The following UNC80 variants were observed in gnomAD, a reference collection of about 807,000 sequenced individuals.
The protein encoded by UNC80 is protein unc-80 homolog.
Under a neutral mutation model 384.6 loss-of-function variants are expected in UNC80, and 164 were observed. The ratio of observed to expected loss-of-function variants is 0.43; its 90% CI spans 0.38 to 0.49. The LOEUF (loss-of-function observed/expected upper bound fraction) is 0.49, where lower values mean the gene tolerates loss of function less well. Ranked by LOEUF, UNC80 falls within the 20% of genes least tolerant of loss-of-function variation. UNC80 has a pLI of 0.00. For synonymous variants in UNC80, 1,486 were observed against 1,527.8 expected (o/e 0.97, Z 0.64); for missense variants, 3,330 against 4,143.0 (o/e 0.80, Z 5.39).
intron 36 of UNC80, among the ~76,000 whole-genome samples, chr2:209,929,297 C>T (rs2090668327): frequency 6.6e-6 from 1 of 152,120 alleles, no homozygotes; most frequent in Admixed American, 6.6e-5. Flanking sequence ...TGACCGCTTT[C>T]CCCACAGAAA....
In UNC80 at chr2:209,793,772, C is replaced by G. The variant is rs748271773; in HGVS notation, c.851C>G (p.Ala284Gly). The G allele has an allele frequency of 1.1e-5, 18 of 1,614,000 alleles. No individual in the cohort carries two copies. The South Asian group carries it at 2.0e-4, about 18-fold the overall frequency. The change falls in exon 7 of 65, where the codon GCC becomes GGC. Residue 284 changes from alanine to glycine, a missense_variant. Ala to Gly is a moderately conservative substitution (Grantham distance 60, BLOSUM62 0). Coordinates refer to ENST00000673920, the MANE Select transcript of UNC80 (RefSeq NM_001371986.1). ...TFQSDSISPK[A>G]TISGCHRGNS... ...CAGTCTGATTCCATCTCACCCAAGGCCACCATTTCAGGCTGTCACCGAGGA... is the reference window on the plus strand; with the variant it reads ...CAGTCTGATTCCATCTCACCCAAGGGCACCATTTCAGGCTGTCACCGAGGA...
chr2:209,907,291 CAAAAA>C (rs35210647), intron 29 of UNC80, among the ~76,000 whole-genome samples: 3 of 68,648 alleles, frequency 4.4e-5, no homozygotes, highest in African/African-American at 1.7e-4. Context: ...CAATAATGGG[CAAAAA>C]AAAAAAAAAA....
At chr2:209,931,288 T>C (rs1346478557) in intron 38 of UNC80, among the ~76,000 whole-genome samples, 4 of 151,414 alleles carry the variant, frequency 2.6e-5, no homozygotes, top group Admixed American at 2.0e-4. Context: ...CTTATGTTTG[T>C]TGTTTATTTT....
Position 209,777,275 on chromosome 2 carries a change from G to T in UNC80, c.316G>T (p.Gly106Cys). The change falls in exon 4 of 65, where the codon GGT becomes TGT. Residue 106 changes from glycine to cysteine, a missense_variant. Around this residue, in one of 8 missense-constraint regions of UNC80, gnomAD observed 86 missense variants for 141.5 expected, o/e 0.61. Transcript: ENST00000673920. ...RNKLGHQDKL[G>C]VAETKLLHTL... ...CCATGCAGGCCACCAGGATAAATTG[G>T]GTGTTGCTGAGACAAAGCTCCTTCA... 4.4e-6 allele frequency: 7 copies of T among 1,596,132 alleles called. No individual in the cohort carries two copies. Among genetic ancestry groups the T allele is most frequent in the Non-Finnish European group, 6.0e-6 (7 of 1,172,634 alleles).
intron 29 of UNC80, among the ~76,000 whole-genome samples, chr2:209,909,319 G>A (rs2088633373): frequency 6.6e-6 from 1 of 152,044 alleles, no homozygotes. Context: ...AAACAATTAG[G>A]GAGATTCTTC....
intron 21 of UNC80, among the ~76,000 whole-genome samples, chr2:209,844,451 T>TTTTCTTCCTTTCTTTC (rs2081995025): frequency 1.7e-5 from 1 of 58,188 alleles, no homozygotes; most frequent in Non-Finnish European, 3.3e-5. Flanking sequence ...TGCTCTTTTC[T>TTTTCTTCCTTTCTTTC]TTTCTTTCTT....
chr2:209,825,549 G>A (rs1168615119), intron 13 of UNC80, among the ~76,000 whole-genome samples: 1 of 152,126 alleles, frequency 6.6e-6, no homozygotes, highest in African/African-American at 2.4e-5. Context: ...ACTGATGAGG[G>A]TAGTTTCTAA....
At position 209,878,009 on chromosome 2, in the gene UNC80, A is replaced by T; in HGVS notation, c.3896A>T (p.Asn1299Ile). 6.5e-7 allele frequency: 1 copy of T among 1,546,376 alleles called. No homozygotes were observed. The highest frequency in any genetic ancestry group is 8.7e-7 in the Non-Finnish European group (1 of 1,144,498). Residue 1299 changes from asparagine to isoleucine, a missense_variant, in exon 24 of 65, where the codon AAC becomes ATC. This residue lies in a region of UNC80 where 801 missense variants were observed against 950.8 expected (regional missense o/e 0.84). Coordinates refer to ENST00000673920, the MANE Select transcript of UNC80 (RefSeq NM_001371986.1). ...CACGGGGAAAGTGAGAGCCCAGCCA[A>T]CCTGCTGGGTCTCATTTACGATGAA... ...LCHGESESPA[N>I]LLGLIYDEET...
chr2:209,844,211 G>A (rs549940685), intron 21 of UNC80, among the ~76,000 whole-genome samples: 4 of 152,180 alleles, frequency 2.6e-5, no homozygotes, highest in Admixed American at 1.3e-4. Context: ...TGGAACTAAA[G>A]TGTGTTCTCC....
intron 54 of UNC80, 42 bp downstream of exon 54, chr2:209,970,999 G>C: frequency 6.5e-7 from 1 of 1,533,300 alleles, no homozygotes; most frequent in Non-Finnish European, 8.8e-7. Flanking sequence ...TTAAGTTGCT[G>C]GTTGAGGCAC....
rs536551224 is a variant in UNC80, at chr2:209,874,537, ACCTCT to A, written c.3840+1568_3840+1572del. ...GCATTTGACACTGCCAACTGCACATACCTCTGTCTTTTGTCCTTTGTCTTTTTGAA... is the reference window on the plus strand; with the variant it reads ...GCATTTGACACTGCCAACTGCACATAGTCTTTTGTCCTTTGTCTTTTTGAA... On this transcript the variant is annotated intron_variant, in intron 23 of 64. Transcript: ENST00000673920. Among the ~76,000 whole-genome samples the A allele has an allele frequency of 7.2e-5, 11 of 152,244 alleles. No homozygotes were observed. In the East Asian group the frequency reaches 1.9e-3, roughly 27 times the overall value.
intron 58 of UNC80, among the ~76,000 whole-genome samples, chr2:209,977,721 C>T (rs2125018340): frequency 6.6e-6 from 1 of 152,236 alleles, no homozygotes; most frequent in South Asian, 2.1e-4. Flanking sequence ...CTAGGAGGTA[C>T]TTTCTTTACA....
At chr2:209,848,652 G>T (rs1397132479) in intron 21 of UNC80, among the ~76,000 whole-genome samples, 4 of 152,136 alleles carry the variant, frequency 2.6e-5, no homozygotes, top group African/African-American at 4.8e-5. Flanking sequence ...GAGTCATTGT[G>T]AAAGTTGTAG....
intron 22 of UNC80, among the ~76,000 whole-genome samples, chr2:209,861,703 A>G (rs1227078611): frequency 4.6e-5 from 7 of 152,142 alleles, no homozygotes; most frequent in African/African-American, 7.2e-5. Flanking sequence ...TAGTGCTGCA[A>G]TTTCAGAACT....
intron 64 of UNC80, 136 bp downstream of exon 64, chr2:209,994,400 G>C (rs2093447835): frequency 1.4e-6 from 1 of 739,916 alleles, no homozygotes; most frequent in Non-Finnish European, 2.1e-6. Flanking sequence ...TACTGCTCCT[G>C]CCATCATGAA....
At chr2:209,995,269 G>T in intron 64 of UNC80, 60 bp from the exon 65 acceptor site, 7 of 1,518,878 alleles carry the variant, frequency 4.6e-6, no homozygotes, top group Admixed American at 4.2e-5. Context: ...AACATTTTTT[G>T]ATGTTCTTCT....
intron 51 of UNC80, among the ~76,000 whole-genome samples, chr2:209,965,324 C>T (rs2092711307): frequency 6.6e-6 from 1 of 152,148 alleles, no homozygotes; most frequent in Non-Finnish European, 1.5e-5. Context: ...GTAGTCCCAG[C>T]TACTTGGAAG....
intron 52 of UNC80, chr2:209,968,278 T>C (rs540289326): frequency 9.2e-5 from 14 of 152,314 alleles, no homozygotes; most frequent in African/African-American, 2.4e-4. Flanking sequence ...GTTTGGAAAC[T>C]GTAGTGATAG....
At chr2:209,858,261 T>C (rs575074338) in intron 22 of UNC80, among the ~76,000 whole-genome samples, 21 of 152,332 alleles carry the variant, frequency 1.4e-4, no homozygotes, top group African/African-American at 3.4e-4. Flanking sequence ...TGATTTTTAG[T>C]AATACTTTCT....
Sources: allele counts gnomAD v4.1 joint callset (sites outside exome capture counted in the v4.1 genomes callset), GRCh38; gene constraint gnomAD v4.1.1; regional missense constraint gnomAD v4.1.1; transcripts MANE v1.5; gene names NCBI Gene and HGNC (gene_info 2026-07-23, HGNC 2026-07-21).